Variants in SLC38A11 observed in about 807,000 individuals in gnomAD.
SLC38A11 encodes putative sodium-coupled neutral amino acid transporter 11.
A neutral mutation model predicts 49.4 loss-of-function variants in SLC38A11; 51 were observed. That is an observed-to-expected ratio of 1.03 (90% CI 0.83 to 1.30). The LOEUF (loss-of-function observed/expected upper bound fraction) is 1.30, where lower values mean the gene tolerates loss of function less well. SLC38A11 is among the 50% of genes most tolerant of loss of function. SLC38A11 has a pLI of 0.00. For synonymous variants in SLC38A11, 203 were observed against 192.9 expected (o/e 1.05, Z -0.43); for missense variants, 574 against 556.2 (o/e 1.03, Z -0.32).
intron 3 of SLC38A11, among the ~76,000 whole-genome samples, chr2:164,951,632 T>C (rs1224933535): frequency 6.6e-6 from 1 of 152,186 alleles, no homozygotes; most frequent in Non-Finnish European, 1.5e-5. Flanking sequence ...AGCTGAGTGT[T>C]GGGCAGGTCT....
At chr2:164,919,334 T>C (rs942506776) in intron 7 of SLC38A11, among the ~76,000 whole-genome samples, 1 of 150,834 alleles carries the variant, frequency 6.6e-6, no homozygotes, top group Non-Finnish European at 1.5e-5. Context: ...TGCCTCAAAA[T>C]GAATAAAATA....
chr2:164,949,131 T>C lies in SLC38A11; in HGVS notation c.230-3404A>G, dbSNP rs978761489. ...AGCTGGCATACTGGTGATCGGTATA[T>C]ATTTGCTGAATAAATCAATGATCAC... On this transcript the variant is annotated intron_variant, in intron 3 of 11. Coordinates refer to ENST00000685975, the MANE Select transcript of SLC38A11 (RefSeq NM_001351537.2). Among the ~76,000 whole-genome samples, 7 of 152,052 alleles carry C rather than the reference T, an allele frequency of 4.6e-5. No individual in the cohort carries two copies. The South Asian group carries it at 8.3e-4, about 18-fold the overall frequency.
chr2:164,954,293 T>TAA (rs1340709510), intron 2 of SLC38A11, among the ~76,000 whole-genome samples: 1 of 152,138 alleles, frequency 6.6e-6, no homozygotes, highest in Non-Finnish European at 1.5e-5. Context: ...GACCCTTCAG[T>TAA]AAGTGGAAAA....
intron 6 of SLC38A11, among the ~76,000 whole-genome samples, chr2:164,938,174 G>A (rs1465700434): frequency 6.6e-6 from 1 of 152,196 alleles, no homozygotes; most frequent in South Asian, 2.1e-4. Context: ...TATTTTATGT[G>A]AGTCTCATTA....
intron 9 of SLC38A11, among the ~76,000 whole-genome samples, chr2:164,914,037 C>T (rs1036902715): frequency 6.6e-6 from 1 of 152,088 alleles, no homozygotes; most frequent in Admixed American, 6.6e-5. Flanking sequence ...AAAGGGACAA[C>T]TTTCAGAGGG....
intron 9 of SLC38A11, 147 bp from the exon 10 acceptor site, chr2:164,911,895 T>G (rs1004801109): frequency 2.0e-6 from 1 of 499,024 alleles, no homozygotes; most frequent in Non-Finnish European, 3.5e-6. Context: ...CTATATATTT[T>G]TCTATGTTTA....
chr2:164,916,751 C>A (rs1685820169), intron 7 of SLC38A11, among the ~76,000 whole-genome samples: 1 of 152,118 alleles, frequency 6.6e-6, no homozygotes. Flanking sequence ...CAGGCTACAT[C>A]CTAGTGGAAT....
rs997379934 is a variant in SLC38A11, at chr2:164,945,587, A to G, written c.364+6T>C. ...ATTGCAATATTTATCTTCACAGTCA[A>G]CTTACCTATAAAAGGATACAAAAAC... On this transcript the variant is annotated splice_donor_region_variant and intron_variant, in intron 4 of 11. Coordinates refer to ENST00000685975, the MANE Select transcript of SLC38A11 (RefSeq NM_001351537.2). 1.3e-6 allele frequency: 2 copies of G among 1,585,528 alleles called. No homozygotes were observed. Among genetic ancestry groups the G allele is most frequent in the Non-Finnish European group, 1.7e-6 (2 of 1,172,848 alleles).
Position 164,955,288 on chromosome 2 carries a change from TGGGTACGGATTC to T in SLC38A11, c.-53_-42del. 1 of 1,541,830 alleles carries T rather than the reference TGGGTACGGATTC, an allele frequency of 6.5e-7. No individual in the cohort carries two copies. Among genetic ancestry groups the T allele is most frequent in the East Asian group, 2.4e-5 (1 of 40,844 alleles). On this transcript the variant is annotated 5_prime_UTR_variant, in exon 1 of 12. Coordinates refer to ENST00000685975, the MANE Select transcript of SLC38A11 (RefSeq NM_001351537.2). Reference sequence around the variant, plus strand: ...CTCAGCAGGTGGAAGATGCTGGGGCTGGGTACGGATTCGCACCCGGCCAGCCTCCTCCGCCAC... The same window carrying T: ...CTCAGCAGGTGGAAGATGCTGGGGCTGCACCCGGCCAGCCTCCTCCGCCAC...
chr2:164,914,974 C>G (rs1160253344), intron 9 of SLC38A11, 138 bp downstream of exon 9: 34 of 699,546 alleles, frequency 4.9e-5, no homozygotes, highest in Non-Finnish European at 6.8e-5. Context: ...AGCAGGGGGG[C>G]AGGAGGGTAG....
At chr2:164,926,984 C>T (rs1312391415) in intron 7 of SLC38A11, among the ~76,000 whole-genome samples, 1 of 151,726 alleles carries the variant, frequency 6.6e-6, no homozygotes, top group Admixed American at 6.6e-5. Context: ...GCACGTTGTG[C>T]ACATGTACCC....
chr2:164,928,018 G>A (rs1686719651), intron 7 of SLC38A11, among the ~76,000 whole-genome samples: 1 of 152,138 alleles, frequency 6.6e-6, no homozygotes, highest in Admixed American at 6.6e-5. Flanking sequence ...ATAACTAATG[G>A]TGGGTGAAAT....
At chr2:164,912,030 A>G in intron 9 of SLC38A11, 1 of 190,020 alleles carries the variant, frequency 5.3e-6, no homozygotes, top group Non-Finnish European at 1.1e-5. Flanking sequence ...AATAGGTGCT[A>G]CCATCTAGAT....
chr2:164,942,113 T>C (rs1687810666), intron 5 of SLC38A11, among the ~76,000 whole-genome samples: 1 of 151,986 alleles, frequency 6.6e-6, no homozygotes, highest in African/African-American at 2.4e-5. Flanking sequence ...AATAGGAAAA[T>C]ACAGTAATAA....
At chr2:164,933,846 C>T (rs1006993353) in intron 7 of SLC38A11, among the ~76,000 whole-genome samples, 9 of 152,102 alleles carry the variant, frequency 5.9e-5, no homozygotes, top group African/African-American at 2.2e-4. Context: ...TCAGGATGAA[C>T]AGAAGTTGTT....
chr2:164,929,217 C>T (rs1686812962), intron 7 of SLC38A11, among the ~76,000 whole-genome samples: 1 of 152,064 alleles, frequency 6.6e-6, no homozygotes, highest in Non-Finnish European at 1.5e-5. Flanking sequence ...TTGAAATTCC[C>T]ATCACTGAAG....
At chr2:164,952,627 CA>C (rs1688596653) in intron 3 of SLC38A11, 79 bp downstream of exon 3, 1 of 795,154 alleles carries the variant, frequency 1.3e-6, no homozygotes, top group East Asian at 2.6e-5. Flanking sequence ...TCAGTTGCAG[CA>C]TGTGTGTGTG....
In SLC38A11 at chr2:164,898,290, A is replaced by C; in HGVS notation, c.*147T>G. Reference sequence around the variant, plus strand: ...AATACATTCAATTTTTCTTTTCTTTATCTTTTATATTGCACTACTCATAAA... The same window carrying C: ...AATACATTCAATTTTTCTTTTCTTTCTCTTTTATATTGCACTACTCATAAA... On this transcript the variant is annotated 3_prime_UTR_variant, in exon 12 of 12. Coordinates refer to ENST00000685975, the MANE Select transcript of SLC38A11 (RefSeq NM_001351537.2). The C allele has an allele frequency of 4.9e-6, 3 of 608,762 alleles. No homozygotes were observed. The South Asian group carries it at 7.5e-5, about 15-fold the overall frequency. 37.7% of individuals were successfully genotyped at this position (608,762 alleles called of 1,614,324 possible). A position where few individuals can be genotyped will look rare whatever the true frequency, so the allele number is the denominator to read the frequency against.
chr2:164,945,181 G>A (rs1688018419), intron 4 of SLC38A11, among the ~76,000 whole-genome samples: 1 of 151,414 alleles, frequency 6.6e-6, no homozygotes, highest in South Asian at 2.1e-4. Context: ...GAAGTGCTAG[G>A]TGACATTCTC....
Sources: gnomAD v4.1 joint callset for allele counts (sites outside exome capture counted in the v4.1 genomes callset) on GRCh38, gnomAD v4.1.1 for gene constraint, MANE v1.5 for transcripts, NCBI Gene and HGNC (gene_info 2026-07-23, HGNC 2026-07-21) for gene names.